The following TMEM52B variants were observed in gnomAD, a reference collection of about 807,000 sequenced individuals.
The protein encoded by TMEM52B is chromosome 12 open reading frame 59.
In TMEM52B, 11 loss-of-function variants were observed where a neutral mutation model predicts 16.1. The ratio of observed to expected loss-of-function variants is 0.68; its 90% CI spans 0.43 to 1.13. The LOEUF (loss-of-function observed/expected upper bound fraction) is 1.13. Ranked by LOEUF, TMEM52B falls within the 50% of genes most tolerant of loss-of-function variation. TMEM52B has a pLI of 0.00. For missense variants in TMEM52B, 243 were observed against 230.4 expected, an observed-to-expected ratio of 1.05 and a Z score of -0.35; for synonymous variants, 101 against 93.8, an observed-to-expected ratio of 1.08 and a Z score of -0.45.
intron 1 of TMEM52B, 30 bp downstream of exon 1, chr12:10,179,658 G>A (rs199594921): frequency 1.2e-6 from 2 of 1,613,770 alleles, no homozygotes; most frequent in East Asian, 4.5e-5. Context: ...GGCAGAAAGA[G>A]TATTTTTCCC....
At chr12:10,185,037 T>A (rs1948865138) in intron 2 of TMEM52B, among the ~76,000 whole-genome samples, 1 of 152,174 alleles carries the variant, frequency 6.6e-6, no homozygotes, top group African/African-American at 2.4e-5. Context: ...TTATCATAAA[T>A]GTTTGCAATA....
At chr12:10,189,601 C>G (rs1308105783) in intron 4 of TMEM52B, among the ~76,000 whole-genome samples, 2 of 105,518 alleles carry the variant, frequency 1.9e-5, no homozygotes, top group African/African-American at 7.7e-5. Context: ...CCAGCCTGGG[C>G]AACAAGAGCA....
intron 4 of TMEM52B, among the ~76,000 whole-genome samples, chr12:10,189,636 AAAAAAAGAG>A (rs1948932758): frequency 6.7e-6 from 1 of 149,142 alleles, no homozygotes; most frequent in African/African-American, 2.5e-5. Context: ...AAAAAAAAAA[AAAAAAAGAG>A]AGAGAGAGAG....
chr12:10,184,182 G>A (rs934047830), intron 2 of TMEM52B, among the ~76,000 whole-genome samples: 1 of 152,186 alleles, frequency 6.6e-6, no homozygotes, highest in African/African-American at 2.4e-5. Flanking sequence ...GGTTTCTGAA[G>A]GGTGGTGCAC....
Position 10,191,773 on chromosome 12 carries a change from A to C in TMEM52B, c.*1633A>C, listed in dbSNP as rs1168666382. The C allele has an allele frequency of 6.6e-6, 1 of 152,194 alleles. No homozygotes were observed. Among genetic ancestry groups the C allele is most frequent in the African/African-American group, 2.4e-5 (1 of 41,454 alleles). 9.4% of individuals were successfully genotyped at this position (152,194 alleles called of 1,614,324 possible). A position where few individuals can be genotyped will look rare whatever the true frequency, so the allele number is the denominator to read the frequency against. ...TGAAATGGCTTTGTTTTTATCAATA[A>C]ATACTTGTTGATTGCGGTAAACAGC... On this transcript the variant is annotated 3_prime_UTR_variant, in exon 5 of 5. Transcript: ENST00000543484.
chr12:10,182,781 A>G (rs184490099), intron 2 of TMEM52B, among the ~76,000 whole-genome samples, 188 bp downstream of exon 2: 23 of 152,300 alleles, frequency 1.5e-4, no homozygotes, highest in Non-Finnish European at 2.9e-4. Context: ...TCAAAATAAC[A>G]CTGCTGACAG....
At position 10,190,916 on chromosome 12, in the gene TMEM52B, C is replaced by T. The variant is rs1342469161; in HGVS notation, c.*776C>T. Reference sequence around the variant, plus strand: ...CTTCTTTCCTGTTTTGCCTGGACCACTTAAAGCCACAACACCTCTATAGTG... The same window carrying T: ...CTTCTTTCCTGTTTTGCCTGGACCATTTAAAGCCACAACACCTCTATAGTG... On this transcript the variant is annotated 3_prime_UTR_variant, in exon 5 of 5. Coordinates refer to ENST00000543484, the MANE Select transcript of TMEM52B (RefSeq NM_001384896.1). The T allele has an allele frequency of 6.6e-6, 1 of 152,340 alleles. No homozygotes were observed. The highest frequency in any genetic ancestry group is 1.5e-5 in the Non-Finnish European group (1 of 68,132). The allele number at this position is 152,340 out of a possible 1,614,324, so 9.4% of individuals were successfully genotyped here. A position where few individuals can be genotyped will look rare whatever the true frequency, so the allele number is the denominator to read the frequency against.
At chr12:10,180,819 T>A (rs923608522) in intron 1 of TMEM52B, among the ~76,000 whole-genome samples, 2 of 152,198 alleles carry the variant, frequency 1.3e-5, no homozygotes, top group Admixed American at 1.3e-4. Context: ...GTTGTTGTTG[T>A]TTTTAAACGG....
upstream of TMEM52B, among the ~76,000 whole-genome samples, chr12:10,177,767 AAATAATAATAATAATAATAATAAT>A (rs199747831): frequency 2.5e-5 from 3 of 118,500 alleles, no homozygotes; most frequent in Non-Finnish European, 5.2e-5. Flanking sequence ...ACTCTGTCTC[AAATAATAATAATAATAATAATAAT>A]AATAATAATA....
rs921422775 is a variant in TMEM52B at position 10,190,092 on chromosome 12, G to C, written c.504G>C (p.Leu168=). ...DLPPVPEEKQ[L]PPTEKESTRI... ...CCCCAGTACCTGAAGAAAAGCAGCT[G>C]CCTCCAACAGAGAAGGAGTCGACTC... The change falls in exon 5 of 5, where the codon CTG becomes CTC. Residue 168 remains leucine, a synonymous_variant. Transcript: ENST00000543484. 1 of 1,614,206 alleles carries C rather than the reference G, an allele frequency of 6.2e-7. No homozygotes were observed. The highest frequency in any genetic ancestry group is 1.1e-5 in the South Asian group (1 of 91,078).
chr12:10,189,631 AAAAAAAAAAAAGAG>A (rs1948932698), intron 4 of TMEM52B, among the ~76,000 whole-genome samples: 1 of 149,022 alleles, frequency 6.7e-6, no homozygotes, highest in Non-Finnish European at 1.5e-5. Context: ...CTCAAAAAAA[AAAAAAAAAAAAGAG>A]AGAGAGAGAG....
intron 4 of TMEM52B, among the ~76,000 whole-genome samples, chr12:10,188,942 G>A (rs1370270635): frequency 6.9e-6 from 1 of 145,802 alleles, no homozygotes; most frequent in Admixed American, 7.3e-5. Context: ...GCGAGAACCC[G>A]GGAGGCGGAG....
chr12:10,188,879 T>C (rs919795728), intron 4 of TMEM52B, among the ~76,000 whole-genome samples: 6 of 151,386 alleles, frequency 4.0e-5, no homozygotes, highest in Admixed American at 6.6e-5. Flanking sequence ...TAGCTCGGCG[T>C]GGTGGCGGGC....
chr12:10,187,063 T>C (rs961880301), intron 4 of TMEM52B, among the ~76,000 whole-genome samples: 5 of 150,782 alleles, frequency 3.3e-5, no homozygotes, highest in Admixed American at 6.6e-5. Context: ...TAAGACACTT[T>C]CCCTTTTCTT....
At chr12:10,189,488 G>A (rs1948930006) in intron 4 of TMEM52B, among the ~76,000 whole-genome samples, 1 of 151,494 alleles carries the variant, frequency 6.6e-6, no homozygotes, top group Non-Finnish European at 1.5e-5. Flanking sequence ...CCTGGGCATG[G>A]TGGCGGGCGC....
In TMEM52B at chr12:10,185,487, A is replaced by G. The variant is rs993748769; in HGVS notation, c.137+119A>G. 6 of 739,534 alleles carry G rather than the reference A, an allele frequency of 8.1e-6. No homozygotes were observed. In the African/African-American group the frequency reaches 8.8e-5, roughly 11 times the overall value. The allele number at this position is 739,534 out of a possible 1,614,324, so 45.8% of individuals were successfully genotyped here. A position where few individuals can be genotyped will look rare whatever the true frequency, so the allele number is the denominator to read the frequency against. ...AGATTTCATTACTTCATCACTACCT[A>G]TGTGACAATATGTCAGGATTTCCTT... On this transcript the variant is annotated intron_variant, in intron 3 of 4. Coordinates refer to ENST00000543484, the MANE Select transcript of TMEM52B (RefSeq NM_001384896.1).
intron 3 of TMEM52B, among the ~76,000 whole-genome samples, chr12:10,185,769 G>A (rs1025043454): frequency 3.9e-5 from 6 of 152,188 alleles, no homozygotes; most frequent in East Asian, 3.9e-4. Flanking sequence ...AAAGTTGGGC[G>A]CGGTGGCTCA....
chr12:10,183,935 A>C (rs895571587), intron 2 of TMEM52B, among the ~76,000 whole-genome samples: 3 of 152,228 alleles, frequency 2.0e-5, no homozygotes, highest in African/African-American at 7.2e-5. Context: ...TTGCATGCTA[A>C]TGAGTTGATT....
At chr12:10,187,006 A>C (rs1307945278) in intron 4 of TMEM52B, among the ~76,000 whole-genome samples, 1 of 151,862 alleles carries the variant, frequency 6.6e-6, no homozygotes, top group Admixed American at 6.6e-5. Flanking sequence ...TTTATTCTTC[A>C]AGGCTTGATA....
Sources: gnomAD v4.1 joint callset for allele counts (sites outside exome capture counted in the v4.1 genomes callset) on GRCh38, gnomAD v4.1.1 for gene constraint, MANE v1.5 for transcripts, NCBI Gene and HGNC (gene_info 2026-07-23, HGNC 2026-07-21) for gene names.